The following ACAD10 variants were observed in gnomAD, a reference collection of about 807,000 sequenced individuals.
ACAD10 encodes the protein ACAD-10.
Under a neutral mutation model 116.8 loss-of-function variants are expected in ACAD10, and 112 were observed. The ratio of observed to expected loss-of-function variants is 0.96; its 90% confidence interval spans 0.82 to 1.12. The LOEUF (loss-of-function observed/expected upper bound fraction) is 1.12, where lower values mean the gene tolerates loss of function less well. Among genes scored for constraint, ACAD10 ranks in the 50% most tolerant of loss-of-function variants. The pLI, the probability that ACAD10 is intolerant of heterozygous loss-of-function variation, is 0.00. For missense variants in ACAD10, 1,259 were observed against 1,350.2 expected (o/e 0.93, Z 1.06); for synonymous variants, 486 against 510.6 (o/e 0.95, Z 0.65).
intron 10 of ACAD10, among the ~76,000 whole-genome samples, chr12:111,732,337 C>T (rs761823279): frequency 3.3e-5 from 5 of 151,702 alleles, no homozygotes; most frequent in East Asian, 1.9e-4. Flanking sequence ...AAAAGATAAT[C>T]GAAGTAGAAA....
intron 1 of ACAD10, among the ~76,000 whole-genome samples, chr12:111,687,249 A>G (rs1887894051): frequency 6.6e-6 from 1 of 152,214 alleles, no homozygotes; most frequent in Admixed American, 6.5e-5. Context: ...ATACATGCGT[A>G]TATAGATCTT....
intron 8 of ACAD10, among the ~76,000 whole-genome samples, chr12:111,723,838 T>C (rs1253687821): frequency 7.2e-6 from 1 of 139,566 alleles, no homozygotes; most frequent in Non-Finnish European, 1.5e-5. Flanking sequence ...GACGGGGCGG[T>C]TGCCAGGCAG....
In ACAD10 at chr12:111,744,818, C is replaced by T; in HGVS notation, c.1890C>T (p.Pro630=). 2.5e-6 allele frequency: 4 copies of T among 1,614,114 alleles called. No homozygotes were observed. Among genetic ancestry groups the T allele is most frequent in the Non-Finnish European group, 2.5e-6 (3 of 1,180,054 alleles). The change falls in exon 13 of 21, where the codon CCC becomes CCT. Residue 630 remains proline, a synonymous_variant. Transcript: ENST00000313698. ...TWARPQSQWC[P]TGSRSYSSVP... is the part of the protein sequence containing the mutation. ...CCAGGCCCCAGTCCCAGTGGTGCCC[C>T]ACAGGCAGCAGGAGTTATAGCTCCG...
At chr12:111,756,271 C>T (rs1566172801) in intron 20 of ACAD10, 62 bp from the exon 21 acceptor site, 1 of 1,514,316 alleles carries the variant, frequency 6.6e-7, no homozygotes, top group Non-Finnish European at 8.8e-7. Flanking sequence ...GGCTATCATT[C>T]CTGGGGCTCT....
intron 7 of ACAD10, among the ~76,000 whole-genome samples, chr12:111,716,167 C>T (rs1888841688): frequency 1.3e-5 from 2 of 152,106 alleles, no homozygotes; most frequent in African/African-American, 4.8e-5. Context: ...GAGGTCAAGA[C>T]CAGCCTAGGC....
chr12:111,746,386 T>C, intron 14 of ACAD10, 102 bp downstream of exon 14: 5 of 1,345,358 alleles, frequency 3.7e-6, no homozygotes, highest in South Asian at 1.7e-5. Flanking sequence ...TGGCATGAAC[T>C]TGAACTTTTT....
rs562423159 is a variant in ACAD10 at position 111,737,833 on chromosome 12, A to G, written c.1714+829A>G. Among the ~76,000 whole-genome samples the G allele has an allele frequency of 6.6e-5, 10 of 150,400 alleles. No homozygotes were observed. The South Asian group carries it at 1.3e-3, about 19-fold the overall frequency. On this transcript the variant is annotated intron_variant, in intron 12 of 20. Transcript: ENST00000313698. ...GCATATTTAACAACTATATGAGGCA[A>G]ATTTCTTGGTGTGTGTGTGTGTGTG...
chr12:111,712,055 T>G (rs1429592157), intron 5 of ACAD10, among the ~76,000 whole-genome samples: 1 of 152,214 alleles, frequency 6.6e-6, no homozygotes, highest in Admixed American at 6.5e-5. Flanking sequence ...AGTTTTAAGT[T>G]GCTAGCCAAT....
At chr12:111,754,449 C>G (rs1167969198) in intron 19 of ACAD10, among the ~76,000 whole-genome samples, 1 of 152,160 alleles carries the variant, frequency 6.6e-6, no homozygotes, top group Non-Finnish European at 1.5e-5. Context: ...CCATGCCCAG[C>G]TAATTCTTTA....
chr12:111,689,655 G>A (rs539831422), intron 1 of ACAD10, among the ~76,000 whole-genome samples: 2 of 151,978 alleles, frequency 1.3e-5, no homozygotes, highest in South Asian at 4.2e-4. Flanking sequence ...GGGATTACAG[G>A]CGTCAGTTAC....
intron 8 of ACAD10, among the ~76,000 whole-genome samples, chr12:111,725,693 C>T (rs1449967284): frequency 6.6e-6 from 1 of 152,000 alleles, no homozygotes; most frequent in Admixed American, 6.6e-5. Flanking sequence ...TGCCACCACA[C>T]CCGGCTAATT....
intron 19 of ACAD10, 70 bp from the exon 20 acceptor site, chr12:111,755,598 C>G (rs374326377): frequency 8.7e-7 from 1 of 1,153,700 alleles, no homozygotes; most frequent in African/African-American, 1.5e-5. Context: ...AGATGGGGGA[C>G]GGGGGGGCCT....
At chr12:111,698,669 G>GT (rs1159618555) in intron 2 of ACAD10, among the ~76,000 whole-genome samples, 1 of 151,662 alleles carries the variant, frequency 6.6e-6, no homozygotes, top group African/African-American at 2.4e-5. Flanking sequence ...TAGAGACGGA[G>GT]TTTCTCCACG....
rs1566168893 is a variant in ACAD10 at position 111,749,094 on chromosome 12, C to A, written c.2645-79C>A. On this transcript the variant is annotated intron_variant, in intron 17 of 20. Transcript: ENST00000313698. ...GGCAGGGACATTGCCAGCAGATAAC[C>A]CAGACTGAGGTGAGGAATAAACACA... 1.9e-6 allele frequency: 3 copies of A among 1,613,562 alleles called. No homozygotes were observed. In the East Asian group the frequency reaches 6.7e-5, roughly 36 times the overall value.
rs137977324 is a variant in ACAD10 at position 111,691,787 on chromosome 12, G to A, written c.-13-910G>A. On this transcript the variant is annotated intron_variant, in intron 1 of 20. Coordinates refer to ENST00000313698, the MANE Select transcript of ACAD10 (RefSeq NM_025247.6). ...TTTTTGTGTTTTTGAGTAGAGATGGGGTTTCGCCATGTTGGCCAGGCTGGT... is the reference window on the plus strand; with the variant it reads ...TTTTTGTGTTTTTGAGTAGAGATGGAGTTTCGCCATGTTGGCCAGGCTGGT... Among the ~76,000 whole-genome samples, 1,264 of 152,004 alleles carry A rather than the reference G, an allele frequency of 8.3e-3. 20 individuals are homozygous for A. The highest frequency in any genetic ancestry group is 8.2e-3 in the Non-Finnish European group (560 of 67,980).
rs1048422962 is a variant in ACAD10 at position 111,705,672 on chromosome 12, C to A, written c.337-66C>A. The A allele has an allele frequency of 2.9e-6, 4 of 1,394,708 alleles. No homozygotes were observed. The African/African-American group carries it at 5.9e-5, about 20-fold the overall frequency. The allele number at this position is 1,394,708 out of a possible 1,614,324, so 86.4% of individuals were successfully genotyped here. A position where few individuals can be genotyped will look rare whatever the true frequency, so the allele number is the denominator to read the frequency against. ...CGCCAGGAATAAGCATTTTTTTTTT[C>A]TGTTGGCCATGAGTGTTTGTCACTC... is the stretch of plus-strand genomic sequence containing the variant. On this transcript the variant is annotated intron_variant, in intron 3 of 20. Transcript: ENST00000313698.
At chr12:111,714,577 G>A (rs1888787477) in intron 6 of ACAD10, among the ~76,000 whole-genome samples, 1 of 150,562 alleles carries the variant, frequency 6.6e-6, no homozygotes, top group Non-Finnish European at 1.5e-5. Context: ...AGGCAGAATC[G>A]CTTGATCCCA....
At chr12:111,734,995 G>A (rs556837173) in intron 11 of ACAD10, among the ~76,000 whole-genome samples, 20 of 152,194 alleles carry the variant, frequency 1.3e-4, no homozygotes, top group Admixed American at 6.5e-5. Flanking sequence ...AGGCCGAGAC[G>A]GGTGGATCAC....
In ACAD10 at chr12:111,692,774, A is replaced by G; in HGVS notation, c.65A>G (p.Lys22Arg). ...LQWVWRTAFL[K>R]HTQRRHQGSH... ...TGGGTGTGGAGAACAGCCTTCCTGAAACACACCCAGCGCAGGCACCAGGGG... is the reference window on the plus strand; with the variant it reads ...TGGGTGTGGAGAACAGCCTTCCTGAGACACACCCAGCGCAGGCACCAGGGG... The change falls in exon 2 of 21, where the codon AAA becomes AGA. Residue 22 changes from lysine (K) to arginine (R), a missense_variant. Transcript: ENST00000313698. The G allele has an allele frequency of 6.2e-7, 1 of 1,614,172 alleles. No individual in the cohort carries two copies. The highest frequency in any genetic ancestry group is 1.1e-5 in the South Asian group (1 of 91,082).
Sources: gnomAD v4.1 joint callset for allele counts (sites outside exome capture counted in the v4.1 genomes callset) on GRCh38, gnomAD v4.1.1 for gene constraint, MANE v1.5 for transcripts, NCBI Gene and HGNC (gene_info 2026-07-23, HGNC 2026-07-21) for gene names.